The following RAP1GDS1 variants were observed in gnomAD, a reference collection of about 807,000 sequenced individuals.
RAP1GDS1 encodes the protein Rap1 GTPase-GDP dissociation stimulator 1.
A neutral mutation model predicts 71.1 loss-of-function variants in RAP1GDS1; 35 were observed. That is an observed-to-expected ratio of 0.49 (90% confidence interval 0.38 to 0.65). RAP1GDS1 has a LOEUF of 0.65. Among genes scored for constraint, RAP1GDS1 ranks in the 30% least tolerant of loss-of-function variants. The pLI is 0.00. For missense variants in RAP1GDS1, 663 were observed against 706.1 expected (o/e 0.94, Z 0.69); for synonymous variants, 229 against 243.1 (o/e 0.94, Z 0.54).
At chr4:98,338,465 T>TAAAAA (rs1735009428) in intron 2 of RAP1GDS1, among the ~76,000 whole-genome samples, 4 of 152,118 alleles carry the variant, frequency 2.6e-5, no homozygotes, top group Non-Finnish European at 5.9e-5. Flanking sequence ...AGTCTCTTTG[T>TAAAAA]TACACCCTAT....
chr4:98,343,111 T>C, intron 2 of RAP1GDS1, 28 bp from the exon 3 acceptor site: 3 of 1,572,336 alleles, frequency 1.9e-6, no homozygotes, highest in East Asian at 2.3e-5. Flanking sequence ...AGATTTTCAC[T>C]GAAGCTCTTT....
At chr4:98,438,259 T>C (rs1474341895) in intron 14 of RAP1GDS1, among the ~76,000 whole-genome samples, 1 of 151,812 alleles carries the variant, frequency 6.6e-6, no homozygotes, top group Non-Finnish European at 1.5e-5. Context: ...ATTACTATTT[T>C]ATTTTCTTTC....
rs534397653 is a variant in RAP1GDS1, at chr4:98,324,506, C to G, written c.113-18633C>G. The stretch of plus-strand genomic sequence containing the variant: ...GAACAAAGCTGGAGACATCACACTA[C>G]CTGACTTCAAACTATACTACAAGGC... On this transcript the variant is annotated intron_variant, in intron 2 of 14. Transcript: ENST00000408927. Among the ~76,000 whole-genome samples the G allele has an allele frequency of 1.9e-3, 276 of 146,676 alleles. 6 individuals are homozygous for G. The highest frequency in any genetic ancestry group is 7.1e-3 in the African/African-American group (266 of 37,586).
intron 4 of RAP1GDS1, among the ~76,000 whole-genome samples, chr4:98,367,019 G>A (rs1217082730): frequency 6.6e-6 from 1 of 152,182 alleles, no homozygotes; most frequent in Non-Finnish European, 1.5e-5. Context: ...CCAAGACAGT[G>A]GGGAAAACGT....
At chr4:98,261,708 A>G (rs1417454506) in intron 1 of RAP1GDS1, 139 bp downstream of exon 1, 6 of 1,165,298 alleles carry the variant, frequency 5.1e-6, no homozygotes, top group South Asian at 1.5e-5. Context: ...TCCTCCGGGG[A>G]GAGTCGGCGC....
At position 98,443,607 on chromosome 4, in the gene RAP1GDS1, C is replaced by T. The variant is rs1261878682; in HGVS notation, c.*1490C>T. On this transcript the variant is annotated 3_prime_UTR_variant, in exon 15 of 15. Coordinates refer to ENST00000408927, the MANE Select transcript of RAP1GDS1 (RefSeq NM_001100427.2). ...TGGATAATCTAAGTTGGACTTTTGA[C>T]TCTAAAACAGCTATAATCCAAGAAA... The T allele has an allele frequency of 4.6e-6, 1 of 217,848 alleles. No homozygotes were observed. The highest frequency in any genetic ancestry group is 6.8e-5 in the East Asian group (1 of 14,756). The allele number at this position is 217,848 out of a possible 1,614,324, so 13.5% of individuals were successfully genotyped here.
At chr4:98,379,258 C>CAA (rs1043135718) in intron 5 of RAP1GDS1, 95 bp downstream of exon 5, 8 of 1,178,876 alleles carry the variant, frequency 6.8e-6, no homozygotes, top group Non-Finnish European at 7.9e-6. Flanking sequence ...AAATGATGAA[C>CAA]AAAGAATTCG....
chr4:98,354,360 C>A (rs1737655706), intron 4 of RAP1GDS1, among the ~76,000 whole-genome samples: 1 of 152,186 alleles, frequency 6.6e-6, no homozygotes, highest in Non-Finnish European at 1.5e-5. Context: ...CCGCGCCCAG[C>A]CCAAAAGTAT....
intron 4 of RAP1GDS1, among the ~76,000 whole-genome samples, chr4:98,355,411 A>G (rs1737810410): frequency 1.3e-5 from 2 of 152,314 alleles, no homozygotes; most frequent in African/African-American, 2.4e-5. Context: ...CTCCAAATGA[A>G]TAATTTTTTT....
intron 1 of RAP1GDS1, among the ~76,000 whole-genome samples, chr4:98,290,672 G>A (rs1237084735): frequency 6.6e-6 from 1 of 152,088 alleles, no homozygotes; most frequent in Non-Finnish European, 1.5e-5. Context: ...AAGTATAGCT[G>A]TTTGTCTTTA....
At chr4:98,422,744 G>T (rs1328469664) in intron 12 of RAP1GDS1, among the ~76,000 whole-genome samples, 2 of 152,216 alleles carry the variant, frequency 1.3e-5, no homozygotes, top group African/African-American at 2.4e-5. Flanking sequence ...GTCCCAGCTG[G>T]TAAGCCTCAG....
intron 2 of RAP1GDS1, among the ~76,000 whole-genome samples, chr4:98,342,539 TG>T (rs1369839824): frequency 6.6e-6 from 1 of 152,198 alleles, no homozygotes; most frequent in Admixed American, 6.6e-5. Flanking sequence ...CTTGAATTTC[TG>T]TATCACCAAA....
At chr4:98,306,047 G>A (rs1729276446) in intron 2 of RAP1GDS1, among the ~76,000 whole-genome samples, 2 of 152,140 alleles carry the variant, frequency 1.3e-5, no homozygotes, top group South Asian at 4.1e-4. Flanking sequence ...GTTCTGCTGT[G>A]TCTTTCTAAC....
At chr4:98,343,350 T>G in intron 3 of RAP1GDS1, 89 bp downstream of exon 3, 9 of 1,426,698 alleles carry the variant, frequency 6.3e-6, no homozygotes, top group Non-Finnish European at 7.7e-6. Context: ...TATGTTTTAA[T>G]TTTGTAGATT....
intron 4 of RAP1GDS1, among the ~76,000 whole-genome samples, chr4:98,364,435 A>G (rs969140213): frequency 1.3e-5 from 2 of 152,058 alleles, no homozygotes; most frequent in African/African-American, 4.8e-5. Context: ...TGAAAACCAG[A>G]TCTCAGGTTC....
At chr4:98,320,677 G>T (rs1443380663) in intron 2 of RAP1GDS1, among the ~76,000 whole-genome samples, 1 of 151,450 alleles carries the variant, frequency 6.6e-6, no homozygotes, top group Non-Finnish European at 1.5e-5. Context: ...ACCTCACACG[G>T]CAGGGTATTC....
intron 7 of RAP1GDS1, among the ~76,000 whole-genome samples, chr4:98,411,917 C>T (rs1747125002): frequency 6.6e-6 from 1 of 152,112 alleles, no homozygotes; most frequent in South Asian, 2.1e-4. Flanking sequence ...CATTCTGTAA[C>T]CAAGGAAACG....
intron 1 of RAP1GDS1, among the ~76,000 whole-genome samples, chr4:98,263,742 A>C (rs545645900): frequency 1.3e-5 from 2 of 152,204 alleles, no homozygotes; most frequent in Admixed American, 1.3e-4. Flanking sequence ...ATTATTTTCA[A>C]CTTTTGAACC....
chr4:98,353,561 A>C (rs1341697919), intron 4 of RAP1GDS1, among the ~76,000 whole-genome samples: 1 of 152,226 alleles, frequency 6.6e-6, no homozygotes, highest in African/African-American at 2.4e-5. Flanking sequence ...CTATAGTTAT[A>C]ACTCATATAT....
Sources: allele counts gnomAD v4.1 joint callset (sites outside exome capture counted in the v4.1 genomes callset), GRCh38; gene constraint gnomAD v4.1.1; transcripts MANE v1.5; gene names NCBI Gene and HGNC (gene_info 2026-07-23, HGNC 2026-07-21).